The following PPP2R5C variants were observed in gnomAD, a reference collection of about 807,000 sequenced individuals.
PPP2R5C encodes protein phosphatase 2 regulatory subunit B'gamma.
In PPP2R5C, 7 loss-of-function variants were observed where a neutral mutation model predicts 68.9. The ratio of observed to expected loss-of-function variants is 0.10; its 90% CI spans 0.06 to 0.19. PPP2R5C has a LOEUF of 0.19. PPP2R5C is among the 10% of genes least tolerant of loss of function. The pLI is 1.00. For synonymous variants in PPP2R5C, 210 were observed against 222.2 expected, an observed-to-expected ratio of 0.95 and a Z score of 0.49; for missense variants, 348 against 641.3, an observed-to-expected ratio of 0.54 and a Z score of 4.94.
At chr14:101,809,101 A>C (rs2039200070), upstream of PPP2R5C, among the ~76,000 whole-genome samples, 1 of 152,186 alleles carries the variant, frequency 6.6e-6, no homozygotes. Flanking sequence ...ATATGTCAGC[A>C]TATTTGCAAT....
chr14:101,900,158 A>G (rs1307068213), intron 8 of PPP2R5C, among the ~76,000 whole-genome samples: 1 of 152,170 alleles, frequency 6.6e-6, no homozygotes, highest in East Asian at 1.9e-4. Flanking sequence ...AAGTCCTGAG[A>G]TTACATGCGT....
Position 101,833,088 on chromosome 14 carries a change from C to T in PPP2R5C, c.94+23052C>T, listed in dbSNP as rs987035676. 5.9e-5 allele frequency among the ~76,000 whole-genome samples: 9 copies of T among 152,326 alleles called. No homozygotes were observed. In the South Asian group the frequency reaches 1.0e-3, roughly 18 times the overall value. On this transcript the variant is annotated intron_variant, in intron 1 of 13. Coordinates refer to ENST00000334743, the Ensembl canonical transcript of PPP2R5C. ...GATCTGCCTGATTCTTCCCATGTTC[C>T]GTCTAGTGAGAAGTCGTCAGTAGCT...
chr14:101,852,523 C>T (rs2042225632), intron 1 of PPP2R5C, among the ~76,000 whole-genome samples: 1 of 132,308 alleles, frequency 7.6e-6, no homozygotes, highest in South Asian at 2.4e-4. Context: ...GGTGGGAATA[C>T]AGTGGTGTGA....
intron 13 of PPP2R5C, among the ~76,000 whole-genome samples, chr14:101,923,325 T>A (rs1173143844): frequency 6.6e-6 from 1 of 152,234 alleles, no homozygotes; most frequent in African/African-American, 2.4e-5. Flanking sequence ...AGCTCCAAGC[T>A]TTTTACTGTT....
intron 1 of PPP2R5C, among the ~76,000 whole-genome samples, chr14:101,842,876 A>G (rs1271397056): frequency 1.3e-5 from 2 of 150,656 alleles, no homozygotes; most frequent in African/African-American, 2.4e-5. Flanking sequence ...ATACTTACTT[A>G]AAACCATACA....
chr14:101,783,579 C>A (rs2037944968), intron 2 of PPP2R5C, among the ~76,000 whole-genome samples: 1 of 152,014 alleles, frequency 6.6e-6, no homozygotes, highest in Non-Finnish European at 1.5e-5. Flanking sequence ...CCCTTTGGAA[C>A]TGTGCCCGAG....
chr14:101,793,575 CAT>C (rs1310059570), intron 3 of PPP2R5C, among the ~76,000 whole-genome samples: 1 of 152,226 alleles, frequency 6.6e-6, no homozygotes, highest in Non-Finnish European at 1.5e-5. Context: ...ATACCAGCCC[CAT>C]GGCAGCGTCT....
rs1032660173 is a variant in PPP2R5C, at chr14:101,913,613, A to G, written c.1326+1140A>G. 3.3e-5 allele frequency among the ~76,000 whole-genome samples: 5 copies of G among 152,216 alleles called. No homozygotes were observed. The highest frequency in any genetic ancestry group is 7.3e-5 in the Non-Finnish European group (5 of 68,042). Reference sequence around the variant, plus strand: ...AAACTGTATAATCCTTAATTGAGGTAGGTAGCTATAGGCGTCTCCTTTTAA... The same window carrying G: ...AAACTGTATAATCCTTAATTGAGGTGGGTAGCTATAGGCGTCTCCTTTTAA... On this transcript the variant is annotated intron_variant, in intron 12 of 13. Coordinates refer to ENST00000334743, the Ensembl canonical transcript of PPP2R5C. The surrounding 1 kb of genome is among the most constrained non-coding windows in gnomAD (Gnocchi z 4.1).
At chr14:101,770,257 T>C (rs1170362622) in intron 2 of PPP2R5C, among the ~76,000 whole-genome samples, 1 of 152,206 alleles carries the variant, frequency 6.6e-6, no homozygotes, top group Non-Finnish European at 1.5e-5. Context: ...ATTTAATATG[T>C]TTTATAAGAT....
chr14:101,832,758 C>G (rs1473263239), intron 1 of PPP2R5C, among the ~76,000 whole-genome samples: 1 of 152,170 alleles, frequency 6.6e-6, no homozygotes, highest in African/African-American at 2.4e-5. Context: ...AGTGACCCCT[C>G]TGTGTCCTCA....
rs147527570 is a variant in PPP2R5C at position 101,877,047 on chromosome 14, C to T, written c.295-5114C>T. On this transcript the variant is annotated intron_variant, in intron 2 of 13. Coordinates refer to ENST00000334743, the Ensembl canonical transcript of PPP2R5C. The surrounding 1 kb of genome is among the most constrained non-coding windows in gnomAD (Gnocchi z 4.2). ...CACTGCAACTTCCACCTCCCAGATTCAAGTGATTCTCCTGCCTCAGCCTCC... is the reference window on the plus strand; with the variant it reads ...CACTGCAACTTCCACCTCCCAGATTTAAGTGATTCTCCTGCCTCAGCCTCC... Among the ~76,000 whole-genome samples the T allele has an allele frequency of 1.5e-3, 214 of 139,780 alleles. 5 individuals are homozygous for T. The East Asian group carries it at 0.04, about 26-fold the overall frequency. 91.7% of individuals were successfully genotyped at this position (139,780 alleles called of 152,430 possible).
rs2036798544 is a variant in PPP2R5C at position 101,765,398 on chromosome 14, C to G, written c.93+2428C>G. 7 of 621,000 alleles carry G rather than the reference C, an allele frequency of 1.1e-5. No individual in the cohort carries two copies. The East Asian group carries it at 1.9e-4, about 17-fold the overall frequency. 38.5% of individuals were successfully genotyped at this position (621,000 alleles called of 1,614,324 possible). A position where few individuals can be genotyped will look rare whatever the true frequency, so the allele number is the denominator to read the frequency against. ...TTTTTTCCCCTCAGTCTTCAGCTCA[C>G]TGCTTCACTTCTAGTTCCACCCACT... On this transcript the variant is annotated intron_variant, in intron 2 of 14. Coordinates refer to the PPP2R5C transcript ENST00000328724.
intron 1 of PPP2R5C, among the ~76,000 whole-genome samples, chr14:101,847,202 A>G (rs1595363447): frequency 6.6e-6 from 1 of 152,308 alleles, no homozygotes; most frequent in East Asian, 1.9e-4. Context: ...GTAAAAAGAC[A>G]AAGTTCTCCT....
chr14:101,840,474 C>A (rs967838967), intron 1 of PPP2R5C, among the ~76,000 whole-genome samples: 6 of 142,896 alleles, frequency 4.2e-5, no homozygotes, highest in Non-Finnish European at 7.6e-5. Context: ...ACCTGCTCCC[C>A]CCACCACCAA....
upstream of PPP2R5C, among the ~76,000 whole-genome samples, chr14:101,807,452 G>A (rs2039120803): frequency 6.6e-6 from 1 of 151,872 alleles, no homozygotes; most frequent in Non-Finnish European, 1.5e-5. Flanking sequence ...TTTATTTTTT[G>A]CAGGTGAACT....
chr14:101,831,769 G>A (rs572999574), intron 1 of PPP2R5C: 146 of 702,244 alleles, frequency 2.1e-4, no homozygotes, highest in Middle Eastern at 9.2e-4. Context: ...CGGGTTCTGC[G>A]GGCCGACTGT....
chr14:101,840,482 C>CAA lies in PPP2R5C; in HGVS notation c.95-16178_95-16177dup, dbSNP rs10611025. Reference sequence around the variant, plus strand: ...CAGCACCACCTGCTCCCCCCACCACCAAAAAAAAAAAAAAAAAAAAAAAAA... The same window carrying CAA: ...CAGCACCACCTGCTCCCCCCACCACCAAAAAAAAAAAAAAAAAAAAAAAAAAA... On this transcript the variant is annotated intron_variant, in intron 1 of 13. Coordinates refer to ENST00000334743, the Ensembl canonical transcript of PPP2R5C. Among the ~76,000 whole-genome samples the CAA allele has an allele frequency of 5.6e-4, 29 of 51,878 alleles. 2 individuals carry two copies. Among genetic ancestry groups the CAA allele is most frequent in the African/African-American group, 1.1e-3 (12 of 10,792 alleles). The allele number at this position is 51,878 out of a possible 152,430, so 34.0% of individuals were successfully genotyped here. A position where few individuals can be genotyped will look rare whatever the true frequency, so the allele number is the denominator to read the frequency against.
intron 1 of PPP2R5C, among the ~76,000 whole-genome samples, chr14:101,843,079 T>C: frequency 6.6e-6 from 1 of 152,160 alleles, no homozygotes; most frequent in African/African-American, 2.4e-5. Flanking sequence ...AATAAAAAGA[T>C]TAGCCAGGAG....
chr14:101,793,390 A>G (rs2140102039), intron 3 of PPP2R5C, among the ~76,000 whole-genome samples: 1 of 152,340 alleles, frequency 6.6e-6, no homozygotes, highest in South Asian at 2.1e-4. Flanking sequence ...GAAGCAGGAT[A>G]TTTCCCTGAC....
Sources: gnomAD v4.1 joint callset for allele counts (sites outside exome capture counted in the v4.1 genomes callset) on GRCh38, gnomAD v4.1.1 for gene constraint, Gnocchi (gnomAD v3.1) non-coding constraint, MANE v1.5 for transcripts, NCBI Gene and HGNC (gene_info 2026-07-23, HGNC 2026-07-21) for gene names.